The following RASGEF1C variants were observed in gnomAD, a reference collection of about 807,000 sequenced individuals.
The protein encoded by RASGEF1C is RasGEF domain family member 1C, also known as ras-GEF domain-containing family member 1C.
A neutral mutation model predicts 58.1 loss-of-function variants in RASGEF1C; 27 were observed. The observed-to-expected ratio is 0.46, with a 90% CI of 0.34 to 0.64. The LOEUF (loss-of-function observed/expected upper bound fraction) is 0.64, where lower values mean the gene tolerates loss of function less well. Ranked by LOEUF, RASGEF1C falls within the 30% of genes least tolerant of loss-of-function variation. The pLI is 0.01. For synonymous variants in RASGEF1C, 243 were observed against 246.3 expected, an observed-to-expected ratio of 0.99 and a Z score of 0.13; for missense variants, 502 against 605.1, an observed-to-expected ratio of 0.83 and a Z score of 1.79.
At chr5:180,165,750 CTT>C (rs372734323) in intron 1 of RASGEF1C, among the ~76,000 whole-genome samples, 3,776 of 107,298 alleles carry the variant, frequency 0.035, 74 homozygotes, top group South Asian at 0.11. Flanking sequence ...TTAATTTTTC[CTT>C]TTTTTTTTTT....
chr5:180,120,646 C>A (rs1766151715), intron 7 of RASGEF1C, among the ~76,000 whole-genome samples: 1 of 152,206 alleles, frequency 6.6e-6, no homozygotes, highest in Non-Finnish European at 1.5e-5. Flanking sequence ...GCAGCTAGAA[C>A]CACGGGCTTT....
At chr5:180,105,345 G>A (rs772010272) in intron 12 of RASGEF1C, among the ~76,000 whole-genome samples, 1 of 147,282 alleles carries the variant, frequency 6.8e-6, no homozygotes, top group African/African-American at 2.5e-5. Context: ...GGCAGATCAC[G>A]AGGTCAGGAG....
At chr5:180,152,616 T>G (rs1401064968) in intron 1 of RASGEF1C, among the ~76,000 whole-genome samples, 2 of 147,566 alleles carry the variant, frequency 1.4e-5, no homozygotes, top group Non-Finnish European at 3.0e-5. Context: ...TAACGTTAAA[T>G]GACGAGTTAA....
At position 180,190,514 on chromosome 5, in the gene RASGEF1C, AT is replaced by A. The variant is rs1197437874; in HGVS notation, c.-7+18513del. Among the ~76,000 whole-genome samples the A allele has an allele frequency of 9.6e-3, 1,187 of 124,074 alleles. 17 individuals carry two copies. Among genetic ancestry groups the A allele is most frequent in the African/African-American group, 0.024 (876 of 36,028 alleles). The allele number at this position is 124,074 out of a possible 152,430, so 81.4% of individuals were successfully genotyped here. ...CAAAAAAAAAAAAAAAAAAATAATAATAATAATAATAATAATTAGCCAGGCA... is the reference window on the plus strand; with the variant it reads ...CAAAAAAAAAAAAAAAAAAATAATAAAATAATAATAATAATTAGCCAGGCA... On this transcript the variant is annotated intron_variant, in intron 1 of 13. Coordinates refer to ENST00000361132, the MANE Select transcript of RASGEF1C (RefSeq NM_175062.4).
At chr5:180,121,536 A>G (rs1766173704) in intron 6 of RASGEF1C, among the ~76,000 whole-genome samples, 3 of 152,028 alleles carry the variant, frequency 2.0e-5, no homozygotes, top group South Asian at 4.2e-4. Context: ...GATGGTCTCC[A>G]TCTCCTGACC....
intron 1 of RASGEF1C, among the ~76,000 whole-genome samples, chr5:180,184,583 TTAAA>T (rs1049641362): frequency 1.3e-5 from 2 of 151,744 alleles, no homozygotes; most frequent in Admixed American, 6.6e-5. Context: ...TCTCAAAAAA[TTAAA>T]TAAATAAATA....
chr5:180,101,624 A>G, intron 13 of RASGEF1C, 99 bp from the exon 14 acceptor site: 2 of 1,442,056 alleles, frequency 1.4e-6, no homozygotes, highest in Non-Finnish European at 9.5e-7. Flanking sequence ...CGCTGAGGAG[A>G]GCCAGCCTCC....
At chr5:180,103,438 A>G (rs34859584) in intron 12 of RASGEF1C, among the ~76,000 whole-genome samples, 50,863 of 151,980 alleles carry the variant, frequency 0.33, 9,022 homozygotes, top group Non-Finnish European at 0.4. Context: ...CCACCTACAT[A>G]TTTCATGTGA....
At position 180,136,266 on chromosome 5, in the gene RASGEF1C, G is replaced by C; in HGVS notation, c.438+112C>G. 4 of 1,127,600 alleles carry C rather than the reference G, an allele frequency of 3.5e-6. 1 individual carries two copies. In the South Asian group the frequency reaches 6.7e-5, roughly 19 times the overall value. 69.8% of individuals were successfully genotyped at this position (1,127,600 alleles called of 1,614,324 possible). ...GCCAGAAAGCGGCTGGATTTGGACG[G>C]GCCGTGGTGTGCAGGGTGGGGAGAT... On this transcript the variant is annotated intron_variant, in intron 4 of 13. Coordinates refer to ENST00000361132, the MANE Select transcript of RASGEF1C (RefSeq NM_175062.4).
chr5:180,125,267 A>T (rs1259719938), intron 6 of RASGEF1C, among the ~76,000 whole-genome samples: 1 of 152,258 alleles, frequency 6.6e-6, no homozygotes, highest in Non-Finnish European at 1.5e-5. Context: ...AGAAAAAATA[A>T]ATGAAATTTA....
At chr5:180,194,826 C>G (rs537106441) in intron 1 of RASGEF1C, among the ~76,000 whole-genome samples, 1 of 152,370 alleles carries the variant, frequency 6.6e-6, no homozygotes, top group African/African-American at 2.4e-5. Flanking sequence ...CTCTCCCCAG[C>G]CCACGTGCAG....
chr5:180,129,802 A>C (rs1374978030), intron 4 of RASGEF1C, among the ~76,000 whole-genome samples: 1 of 151,962 alleles, frequency 6.6e-6, no homozygotes, highest in African/African-American at 2.4e-5. Flanking sequence ...GTTGCATCTC[A>C]CTCTGAGTTA....
chr5:180,141,578 T>A (rs1250082589), intron 1 of RASGEF1C, among the ~76,000 whole-genome samples: 1 of 151,998 alleles, frequency 6.6e-6, no homozygotes, highest in Non-Finnish European at 1.5e-5. Flanking sequence ...GAGAACAGAG[T>A]GTCACTTGTG....
chr5:180,113,342 C>T (rs189903806), intron 11 of RASGEF1C, among the ~76,000 whole-genome samples: 37 of 18,882 alleles, frequency 2.0e-3, no homozygotes, highest in Middle Eastern at 0.083. Flanking sequence ...GACGGAGGGA[C>T]CGGGGATGGA....
At chr5:180,132,712 T>C (rs1020097937) in intron 4 of RASGEF1C, among the ~76,000 whole-genome samples, 1 of 152,184 alleles carries the variant, frequency 6.6e-6, no homozygotes, top group Non-Finnish European at 1.5e-5. Context: ...GGCTCATGCC[T>C]GTAATCCCAG....
At chr5:180,203,224 G>A (rs1349947966) in intron 1 of RASGEF1C, among the ~76,000 whole-genome samples, 1 of 152,216 alleles carries the variant, frequency 6.6e-6, no homozygotes, top group Non-Finnish European at 1.5e-5. Flanking sequence ...CTATGGCAAA[G>A]ATGATAGGAT....
intron 1 of RASGEF1C, among the ~76,000 whole-genome samples, chr5:180,150,684 C>G (rs1167252263): frequency 6.6e-6 from 1 of 152,082 alleles, no homozygotes; most frequent in Non-Finnish European, 1.5e-5. Flanking sequence ...CTCACCACTC[C>G]TATTCAACAT....
intron 1 of RASGEF1C, among the ~76,000 whole-genome samples, chr5:180,179,718 A>G (rs1767291778): frequency 6.6e-6 from 1 of 152,218 alleles, no homozygotes; most frequent in African/African-American, 2.4e-5. Context: ...ACCCTGAGGA[A>G]GAAGCTCTGA....
At chr5:180,169,602 G>A (rs1767071360) in intron 1 of RASGEF1C, among the ~76,000 whole-genome samples, 1 of 140,690 alleles carries the variant, frequency 7.1e-6, no homozygotes, top group African/African-American at 2.6e-5. Flanking sequence ...AGCAGTGGGG[G>A]CAGGGGGGCG....
Sources: gnomAD v4.1 joint callset for allele counts (sites outside exome capture counted in the v4.1 genomes callset) on GRCh38, gnomAD v4.1.1 for gene constraint, MANE v1.5 for transcripts, NCBI Gene and HGNC (gene_info 2026-07-23, HGNC 2026-07-21) for gene names.